The following SDK1 variants were observed in gnomAD, a reference collection of about 807,000 sequenced individuals.
The protein encoded by SDK1 is sidekick cell adhesion molecule 1, also known as protein sidekick-1.
SDK1 carries 157 observed loss-of-function variants against 245.5 expected under a neutral mutation model. The observed-to-expected ratio is 0.64, with a 90% CI of 0.56 to 0.73. SDK1 has a LOEUF of 0.73. Among genes scored for constraint, SDK1 ranks in the 30% least tolerant of loss-of-function variants. The pLI is 0.00. For missense variants in SDK1, 3,583 were observed against 3,002.3 expected, an observed-to-expected ratio of 1.19 and a Z score of -4.52; for synonymous variants, 1,647 against 1,278.5, an observed-to-expected ratio of 1.29 and a Z score of -6.15.
At chr7:4,199,285 G>C (rs1488626956) in intron 35 of SDK1, among the ~76,000 whole-genome samples, 1 of 152,160 alleles carries the variant, frequency 6.6e-6, no homozygotes, top group Non-Finnish European at 1.5e-5. Flanking sequence ...CTGTGATGGG[G>C]ACTCACTGTA....
chr7:3,882,208 C>T (rs1217913132), intron 5 of SDK1, among the ~76,000 whole-genome samples: 3 of 152,104 alleles, frequency 2.0e-5, no homozygotes, highest in African/African-American at 7.2e-5. Flanking sequence ...CAGCCGGTCC[C>T]TCCAAAACAC....
At chr7:4,179,143 C>T (rs112406946) in intron 35 of SDK1, 1 of 152,488 alleles carries the variant, frequency 6.6e-6, no homozygotes, top group East Asian at 1.9e-4. Flanking sequence ...TGTCCCTATC[C>T]CTCTCCGGGC....
At position 3,400,372 on chromosome 7, in the gene SDK1, A is replaced by G. The variant is rs576698921; in HGVS notation, c.298+98488A>G. On this transcript the variant is annotated intron_variant, in intron 1 of 44. Transcript: ENST00000404826. ...GGCAGCATTTTCATTGTTTTTATGCATGGGAGCGTTTCCACAGATCTTCAC... is the reference window on the plus strand; with the variant it reads ...GGCAGCATTTTCATTGTTTTTATGCGTGGGAGCGTTTCCACAGATCTTCAC... 8.5e-5 allele frequency among the ~76,000 whole-genome samples: 13 copies of G among 152,182 alleles called. No homozygotes were observed. The East Asian group carries it at 2.5e-3, about 29-fold the overall frequency.
In SDK1 at chr7:3,757,059, C is replaced by T. The variant is rs77955980; in HGVS notation, c.714-64391C>T. 3.5e-3 allele frequency among the ~76,000 whole-genome samples: 528 copies of T among 152,268 alleles called. 4 individuals carry two copies. Among genetic ancestry groups the T allele is most frequent in the South Asian group, 0.017 (80 of 4,820 alleles). ...TTTTCCATACTGATTCTCCAACTCT[C>T]TGACACCAACTGGGTGTCCTGCAAT... On this transcript the variant is annotated intron_variant, in intron 4 of 44. Transcript: ENST00000404826.
intron 4 of SDK1, among the ~76,000 whole-genome samples, chr7:3,667,741 A>C (rs191689192): frequency 2.6e-5 from 4 of 152,324 alleles, no homozygotes; most frequent in Middle Eastern, 3.4e-3. Context: ...CTCGTAATGC[A>C]TCTGGTACTC....
chr7:3,663,220 A>G (rs901601341), intron 4 of SDK1, among the ~76,000 whole-genome samples: 1 of 152,184 alleles, frequency 6.6e-6, no homozygotes, highest in African/African-American at 2.4e-5. Flanking sequence ...AAATTGTGAT[A>G]CTTACTTTTA....
At chr7:3,830,815 A>G (rs1241230672) in intron 5 of SDK1, among the ~76,000 whole-genome samples, 1 of 152,094 alleles carries the variant, frequency 6.6e-6, no homozygotes, top group African/African-American at 2.4e-5. Flanking sequence ...TTTACCTTTG[A>G]TTTTGGAACC....
intron 1 of SDK1, among the ~76,000 whole-genome samples, chr7:3,375,952 A>G (rs780622590): frequency 1.3e-5 from 2 of 152,230 alleles, no homozygotes; most frequent in African/African-American, 4.8e-5. Flanking sequence ...AACTGATCAG[A>G]TGGATTATTC....
intron 1 of SDK1, among the ~76,000 whole-genome samples, chr7:3,403,712 A>T (rs1778950871): frequency 6.6e-6 from 1 of 150,426 alleles, no homozygotes; most frequent in East Asian, 2.0e-4. Context: ...GTCTATTTCC[A>T]TGCTGGTTGC....
intron 9 of SDK1, among the ~76,000 whole-genome samples, chr7:3,967,031 C>T (rs934004161): frequency 1.3e-5 from 2 of 152,222 alleles, no homozygotes; most frequent in Non-Finnish European, 2.9e-5. Flanking sequence ...TGCCTCTCCT[C>T]TCTTTAATAT....
Position 3,973,474 on chromosome 7 carries a change from C to T in SDK1, c.1818-895C>T, listed in dbSNP as rs188160943. ...TTGTGTATTTGAAAAGAAAAATGTG[C>T]TCAAATTGCTACAGATAGATTAAAT... On this transcript the variant is annotated intron_variant, in intron 12 of 44. Transcript: ENST00000404826. Among the ~76,000 whole-genome samples, 647 of 152,278 alleles carry T rather than the reference C, an allele frequency of 4.2e-3. 1 individual carries two copies. The highest frequency in any genetic ancestry group is 7.2e-3 in the Non-Finnish European group (490 of 68,030).
rs1014259029 is a variant in SDK1 at position 3,301,724 on chromosome 7, G to C, written c.138G>C (p.Pro46=). 2 of 976,986 alleles carry C rather than the reference G, an allele frequency of 2.0e-6. No homozygotes were observed. Among genetic ancestry groups the C allele is most frequent in the Non-Finnish European group, 2.4e-6 (2 of 825,984 alleles). The allele number at this position is 976,986 out of a possible 1,614,324, so 60.5% of individuals were successfully genotyped here. A position where few individuals can be genotyped will look rare whatever the true frequency, so the allele number is the denominator to read the frequency against. ...CCTCGCTGGCGCCGCGCCCCGGCCC[G>C]GAGCCCTCGCGACCCCGGGCGGCGC... ...ARPSLAPRPG[P]EPSRPRAAPE... The change falls in exon 1 of 45, where the codon CCG becomes CCC. Residue 46 remains proline, a synonymous_variant. Coordinates refer to ENST00000404826, the MANE Select transcript of SDK1 (RefSeq NM_152744.4).
chr7:3,519,916 T>C (rs1782878847), intron 1 of SDK1, among the ~76,000 whole-genome samples: 2 of 152,212 alleles, frequency 1.3e-5, no homozygotes, highest in Admixed American at 6.5e-5. Flanking sequence ...TAGAAAGCCA[T>C]GCAAGAGAAT....
chr7:3,823,346 A>C (rs1186274653), intron 5 of SDK1, among the ~76,000 whole-genome samples: 1 of 152,198 alleles, frequency 6.6e-6, no homozygotes, highest in African/African-American at 2.4e-5. Flanking sequence ...CAGGATAATA[A>C]TGAGTCAAAG....
intron 30 of SDK1, among the ~76,000 whole-genome samples, chr7:4,150,395 G>T (rs937794649): frequency 1.3e-5 from 2 of 152,200 alleles, no homozygotes; most frequent in African/African-American, 4.8e-5. Context: ...ATGACTAAGA[G>T]GGTAGAGGGG....
At chr7:3,373,781 A>G (rs1301002407) in intron 1 of SDK1, among the ~76,000 whole-genome samples, 2 of 152,200 alleles carry the variant, frequency 1.3e-5, no homozygotes, top group East Asian at 3.8e-4. Context: ...AATTTAATAA[A>G]AGTGCTTGTT....
intron 1 of SDK1, among the ~76,000 whole-genome samples, chr7:3,347,484 A>G (rs1282976966): frequency 6.6e-6 from 1 of 152,180 alleles, no homozygotes; most frequent in African/African-American, 2.4e-5. Context: ...TACTACAGTC[A>G]AGGCTCCAGA....
intron 1 of SDK1, among the ~76,000 whole-genome samples, chr7:3,530,113 T>C (rs1783291430): frequency 6.6e-6 from 1 of 152,170 alleles, no homozygotes; most frequent in Non-Finnish European, 1.5e-5. Flanking sequence ...TCCCTAAACC[T>C]AGCACCAATT....
At chr7:3,475,361 T>C (rs1583913953) in intron 1 of SDK1, among the ~76,000 whole-genome samples, 1 of 152,314 alleles carries the variant, frequency 6.6e-6, no homozygotes, top group East Asian at 1.9e-4. Flanking sequence ...CACTGGTTCA[T>C]AGCAGCTCAT....
Sources: gnomAD v4.1 joint callset for allele counts (sites outside exome capture counted in the v4.1 genomes callset) on GRCh38, gnomAD v4.1.1 for gene constraint, MANE v1.5 for transcripts, NCBI Gene and HGNC (gene_info 2026-07-23, HGNC 2026-07-21) for gene names.